The following ANKRD30A variants were observed in gnomAD, a reference collection of about 807,000 sequenced individuals.
The protein encoded by ANKRD30A is ankyrin repeat domain-containing protein 30A.
A neutral mutation model predicts 166.3 loss-of-function variants in ANKRD30A; 170 were observed. The observed-to-expected ratio is 1.02, with a 90% CI of 0.90 to 1.16. The LOEUF (loss-of-function observed/expected upper bound fraction) is 1.16, where lower values mean the gene tolerates loss of function less well. Ranked by LOEUF, ANKRD30A falls within the 50% of genes most tolerant of loss-of-function variation. The pLI, the probability that ANKRD30A is intolerant of heterozygous loss-of-function variation, is 0.00. For synonymous variants in ANKRD30A, 564 were observed against 508.9 expected (o/e 1.11, Z -1.46); for missense variants, 1,630 against 1,518.0 (o/e 1.07, Z -1.23).
intron 31 of ANKRD30A, among the ~76,000 whole-genome samples, chr10:37,205,167 C>T (rs539462211): frequency 5.3e-5 from 8 of 152,188 alleles, no homozygotes; most frequent in African/African-American, 1.9e-4. Flanking sequence ...TATTGCAGCA[C>T]TCTTCACAAT....
intron 34 of ANKRD30A, among the ~76,000 whole-genome samples, chr10:37,225,086 G>C (rs564714757): frequency 6.6e-6 from 1 of 150,442 alleles, no homozygotes; most frequent in Non-Finnish European, 1.5e-5. Flanking sequence ...AAGTAATCAT[G>C]GTTCAAAAAC....
chr10:37,142,395 A>C, intron 7 of ANKRD30A, 105 bp downstream of exon 7: 1 of 1,020,540 alleles, frequency 9.8e-7, no homozygotes, highest in South Asian at 1.7e-5. Context: ...TATCTAAATA[A>C]GGCGAGCTTA....
intron 34 of ANKRD30A, among the ~76,000 whole-genome samples, chr10:37,221,656 T>C (rs1457550256): frequency 6.6e-6 from 1 of 151,340 alleles, no homozygotes; most frequent in Non-Finnish European, 1.5e-5. Flanking sequence ...TTCTGTAATG[T>C]TTTTCTTATA....
At chr10:37,129,818 T>G in intron 1 of ANKRD30A, 75 bp from the exon 2 acceptor site, 1 of 804,470 alleles carries the variant, frequency 1.2e-6, no homozygotes, top group Non-Finnish European at 1.8e-6. Flanking sequence ...TATTTAATGT[T>G]TACAGTTACA....
At chr10:37,158,269 CAT>C in intron 13 of ANKRD30A, 121 bp from the exon 14 acceptor site, 2 of 1,427,584 alleles carry the variant, frequency 1.4e-6, no homozygotes, top group South Asian at 2.7e-5. Flanking sequence ...GACCCCAAAA[CAT>C]AGTGTAATCC....
intron 19 of ANKRD30A, among the ~76,000 whole-genome samples, chr10:37,167,451 G>C (rs1176603795): frequency 1.3e-5 from 2 of 151,424 alleles, no homozygotes; most frequent in East Asian, 3.9e-4. Context: ...CATGATACAC[G>C]AAACCAGACT....
intron 29 of ANKRD30A, 98 bp from the exon 30 acceptor site, chr10:37,199,628 GA>G: frequency 1.4e-6 from 1 of 699,094 alleles, no homozygotes; most frequent in Non-Finnish European, 2.4e-6. Context: ...TACAGAGGAG[GA>G]ACCACAGATT....
At chr10:37,201,457 G>A in intron 31 of ANKRD30A, 132 bp downstream of exon 31, 1 of 587,190 alleles carries the variant, frequency 1.7e-6, no homozygotes, top group Admixed American at 4.3e-5. Flanking sequence ...GAAGTGCAAT[G>A]GTCATAAGTT....
chr10:37,244,896 A>C, the ANKRD30A span, among the ~76,000 whole-genome samples: 13 of 152,098 alleles, frequency 8.5e-5, no homozygotes, highest in East Asian at 2.3e-3. Flanking sequence ...CCAGGCCCCA[A>C]CTCCTCACTC....
At chr10:37,197,572 C>G (rs1841241610) in intron 29 of ANKRD30A, 92 bp downstream of exon 29, 5 of 1,579,810 alleles carry the variant, frequency 3.2e-6, no homozygotes, top group Non-Finnish European at 4.3e-6. Context: ...TTTTTTTCAA[C>G]TTTGATGATA....
the ANKRD30A span, among the ~76,000 whole-genome samples, chr10:37,255,555 G>T: frequency 1.3e-5 from 2 of 152,102 alleles, no homozygotes; most frequent in Non-Finnish European, 2.9e-5. Context: ...TCAGAATGTT[G>T]TGCAATCATC....
At chr10:37,133,536 T>A (rs1162113237) in intron 4 of ANKRD30A, among the ~76,000 whole-genome samples, 4 of 152,228 alleles carry the variant, frequency 2.6e-5, no homozygotes, top group African/African-American at 9.6e-5. Flanking sequence ...TCATTATTCC[T>A]AATATTGTTT....
chr10:37,164,475 T>A (rs1488491541), intron 17 of ANKRD30A, among the ~76,000 whole-genome samples: 1 of 151,978 alleles, frequency 6.6e-6, no homozygotes, highest in Non-Finnish European at 1.5e-5. Context: ...GGAAGAAGTG[T>A]GTCATTGTAA....
chr10:37,201,594 A>G (rs1841631836), intron 31 of ANKRD30A, among the ~76,000 whole-genome samples: 1 of 152,082 alleles, frequency 6.6e-6, no homozygotes, highest in South Asian at 2.1e-4. Context: ...AGAAAGTAGT[A>G]AAAGAGGAAA....
At chr10:37,221,015 T>C (rs1588952133) in intron 34 of ANKRD30A, among the ~76,000 whole-genome samples, 1 of 150,636 alleles carries the variant, frequency 6.6e-6, no homozygotes, top group Non-Finnish European at 1.5e-5. Context: ...TTCCACTGTG[T>C]AGAATTTACC....
downstream of ANKRD30A, among the ~76,000 whole-genome samples, chr10:37,236,835 TG>T: frequency 6.6e-6 from 1 of 152,234 alleles, no homozygotes; most frequent in Non-Finnish European, 1.5e-5. Context: ...AAGTCCTATT[TG>T]GAGAAAATTA....
chr10:37,243,298 C>CTATTT, the ANKRD30A span, among the ~76,000 whole-genome samples: 1 of 137,666 alleles, frequency 7.3e-6, no homozygotes. Flanking sequence ...CCACGCCCAC[C>CTATTT]TTTTTTTTTT....
intron 15 of ANKRD30A, among the ~76,000 whole-genome samples, chr10:37,159,898 G>T (rs1236090698): frequency 6.6e-6 from 1 of 152,090 alleles, no homozygotes; most frequent in Non-Finnish European, 1.5e-5. Context: ...GTTTCAGTGT[G>T]TTAGCCAGGA....
chr10:37,160,660 A>T (rs941948449), intron 15 of ANKRD30A, among the ~76,000 whole-genome samples: 1 of 152,142 alleles, frequency 6.6e-6, no homozygotes, highest in African/African-American at 2.4e-5. Flanking sequence ...GTTTATAATG[A>T]AAAGAATTGG....
Sources: gnomAD v4.1 joint callset for allele counts (sites outside exome capture counted in the v4.1 genomes callset) on GRCh38, gnomAD v4.1.1 for gene constraint, MANE v1.5 for transcripts, NCBI Gene and HGNC (gene_info 2026-07-23, HGNC 2026-07-21) for gene names.